Variants in RNF144A observed in about 807,000 individuals in gnomAD.
RNF144A encodes E3 ubiquitin-protein ligase RNF144A.
RNF144A carries 11 observed loss-of-function variants against 38.7 expected under a neutral mutation model. The ratio of observed to expected loss-of-function variants is 0.28; its 90% confidence interval spans 0.18 to 0.47. RNF144A has a LOEUF of 0.47. Among genes scored for constraint, RNF144A ranks in the 20% least tolerant of loss-of-function variants. The pLI is 0.99. For synonymous variants in RNF144A, 149 were observed against 143.9 expected, an observed-to-expected ratio of 1.04 and a Z score of -0.25; for missense variants, 316 against 377.2, an observed-to-expected ratio of 0.84 and a Z score of 1.34.
At chr2:6,949,158 C>G (rs1666520040) in intron 2 of RNF144A, among the ~76,000 whole-genome samples, 2 of 152,108 alleles carry the variant, frequency 1.3e-5, no homozygotes, top group Admixed American at 1.3e-4. Flanking sequence ...CCAACACTTC[C>G]CAGAAAGAAA....
chr2:6,961,089 T>C (rs1412521352), intron 2 of RNF144A, among the ~76,000 whole-genome samples: 1 of 152,134 alleles, frequency 6.6e-6, no homozygotes, highest in African/African-American at 2.4e-5. Flanking sequence ...TTTTTTTTTC[T>C]GTATGGCTTT....
Position 7,041,153 on chromosome 2 carries a change from G to T in RNF144A, c.*1393G>T. On this transcript the variant is annotated 3_prime_UTR_variant, in exon 9 of 9. Coordinates refer to ENST00000320892, the MANE Select transcript of RNF144A (RefSeq NM_014746.6). ...AAATATTGTAGCTATATTACAGTGG[G>T]ATTTTAAAAATCTTGTTAAACATTC... 1.0e-6 allele frequency: 1 copy of T among 981,340 alleles called. No individual in the cohort carries two copies. 60.8% of individuals were successfully genotyped at this position (981,340 alleles called of 1,614,324 possible).
intron 1 of RNF144A, among the ~76,000 whole-genome samples, chr2:6,932,202 T>G (rs1425617265): frequency 1.3e-5 from 2 of 152,250 alleles, no homozygotes; most frequent in Admixed American, 6.5e-5. Flanking sequence ...TGCTTTGAAC[T>G]CTGCTTTATT....
chr2:7,068,217 G>A (rs901563974), exon 7 of RNF144A: 8 of 1,298,172 alleles, frequency 6.2e-6, no homozygotes, highest in South Asian at 1.2e-5. Flanking sequence ...CTTTAACAGG[G>A]TGATGCCATC....
intron 2 of RNF144A, among the ~76,000 whole-genome samples, chr2:6,957,047 C>T (rs949659277): frequency 6.6e-6 from 1 of 152,180 alleles, no homozygotes; most frequent in Admixed American, 6.5e-5. Flanking sequence ...CTTAGGCCCC[C>T]AGCACACTCC....
At chr2:6,953,883 G>A (rs1487906474) in intron 2 of RNF144A, among the ~76,000 whole-genome samples, 1 of 152,236 alleles carries the variant, frequency 6.6e-6, no homozygotes, top group East Asian at 1.9e-4. Flanking sequence ...TTCTCAGTAA[G>A]TATCATTTTT....
At chr2:7,007,322 C>A (rs570056656) in intron 3 of RNF144A, among the ~76,000 whole-genome samples, 1 of 152,232 alleles carries the variant, frequency 6.6e-6, no homozygotes, top group Non-Finnish European at 1.5e-5. Flanking sequence ...AAATTCAGAT[C>A]TTCCCAACAG....
intron 1 of RNF144A, among the ~76,000 whole-genome samples, chr2:6,928,725 G>C (rs985853671): frequency 2.0e-5 from 3 of 152,082 alleles, no homozygotes; most frequent in African/African-American, 4.8e-5. Context: ...TGTGGCTTTC[G>C]CTAGCCTTTT....
At chr2:7,030,028 T>C (rs986065163) in intron 7 of RNF144A, 98 bp from the exon 8 acceptor site, 33 of 731,404 alleles carry the variant, frequency 4.5e-5, no homozygotes, top group Non-Finnish European at 6.3e-5. Context: ...TCTCCACTTA[T>C]CATGAGCATA....
chr2:6,922,159 CA>C (rs1332879115), intron 1 of RNF144A, among the ~76,000 whole-genome samples: 1 of 152,174 alleles, frequency 6.6e-6, no homozygotes, highest in Non-Finnish European at 1.5e-5. Context: ...AGGGAAAGAT[CA>C]GGGGAACCAC....
chr2:6,977,630 C>T lies in RNF144A; in HGVS notation c.-11-19286C>T, dbSNP rs114595465. On this transcript the variant is annotated intron_variant, in intron 2 of 8. Coordinates refer to ENST00000320892, the MANE Select transcript of RNF144A (RefSeq NM_014746.6). ...CTTCTGGTGCAGGAGAAGCGGTAAA[C>T]CTTTTATTGCTGTTACAGGAGCTTT... 6.2e-3 allele frequency among the ~76,000 whole-genome samples: 937 copies of T among 152,302 alleles called. 11 individuals carry two copies. The highest frequency in any genetic ancestry group is 0.021 in the African/African-American group (885 of 41,572).
At chr2:7,069,848 G>A (rs1674393456), downstream of RNF144A, among the ~76,000 whole-genome samples, 1 of 152,192 alleles carries the variant, frequency 6.6e-6, no homozygotes, top group Admixed American at 6.5e-5. Flanking sequence ...GATTAACTTG[G>A]TGAAATAGTT....
chr2:7,029,910 G>A (rs1001833110), intron 7 of RNF144A, among the ~76,000 whole-genome samples: 4 of 152,244 alleles, frequency 2.6e-5, no homozygotes, highest in African/African-American at 9.6e-5. Flanking sequence ...TGCTGTCCAG[G>A]GCTGCTAGGT....
intron 1 of RNF144A, among the ~76,000 whole-genome samples, chr2:6,921,507 CAG>C (rs1664538159): frequency 6.6e-6 from 1 of 152,216 alleles, no homozygotes; most frequent in Admixed American, 6.5e-5. Flanking sequence ...CCCTAGCTGA[CAG>C]AGGAGCAGAG....
intron 7 of RNF144A, among the ~76,000 whole-genome samples, chr2:7,026,605 G>A (rs1292435465): frequency 6.6e-6 from 1 of 151,646 alleles, no homozygotes; most frequent in Non-Finnish European, 1.5e-5. Flanking sequence ...GGAAGAAAGT[G>A]AAAAGTCAGT....
rs531516532 is a variant in RNF144A, at chr2:7,033,453, C to T, written c.747+3238C>T. Among the ~76,000 whole-genome samples, 392 of 152,328 alleles carry T rather than the reference C, an allele frequency of 2.6e-3. 4 individuals are homozygous for T. Among genetic ancestry groups the T allele is most frequent in the Non-Finnish European group, 1.1e-3 (77 of 68,026 alleles). ...GAGCCTGAGCATGGGTCTTGGCAGC[C>T]GCATCTTCCCTGCTCCTCCAGGCTC... On this transcript the variant is annotated intron_variant, in intron 8 of 8. Transcript: ENST00000320892.
chr2:7,024,589 C>A, intron 7 of RNF144A, 73 bp downstream of exon 7: 2 of 1,524,954 alleles, frequency 1.3e-6, no homozygotes, highest in South Asian at 2.3e-5. Flanking sequence ...AAAAATAGAC[C>A]AGCTGTTTCC....
chr2:6,966,550 CCA>C (rs977050241), intron 2 of RNF144A, among the ~76,000 whole-genome samples: 1 of 152,162 alleles, frequency 6.6e-6, no homozygotes, highest in African/African-American at 2.4e-5. Context: ...GGAGAAATCA[CCA>C]GTCACCAAAA....
At chr2:7,047,154 CATA>C (rs1228358708), downstream of RNF144A, among the ~76,000 whole-genome samples, 2 of 152,190 alleles carry the variant, frequency 1.3e-5, no homozygotes, top group Non-Finnish European at 2.9e-5. Context: ...TTATTGGACA[CATA>C]GTGGTGACTT....
Sources: gnomAD v4.1 joint callset for allele counts (sites outside exome capture counted in the v4.1 genomes callset) on GRCh38, gnomAD v4.1.1 for gene constraint, MANE v1.5 for transcripts, NCBI Gene and HGNC (gene_info 2026-07-23, HGNC 2026-07-21) for gene names.